PRKCA: variants seen among roughly 807,000 people sequenced by gnomAD.
PRKCA encodes protein kinase C alpha type.
PRKCA carries 27 observed loss-of-function variants against 87.0 expected under a neutral mutation model. That is an observed-to-expected ratio of 0.31 (90% CI 0.23 to 0.43). The LOEUF (loss-of-function observed/expected upper bound fraction) is 0.43. PRKCA is among the 20% of genes least tolerant of loss of function. The pLI, the probability that PRKCA is intolerant of heterozygous loss-of-function variation, is 1.00. For missense variants in PRKCA, 518 were observed against 852.3 expected, an observed-to-expected ratio of 0.61 and a Z score of 4.88; for synonymous variants, 329 against 311.1, an observed-to-expected ratio of 1.06 and a Z score of -0.61.
intron 2 of PRKCA, among the ~76,000 whole-genome samples, chr17:66,423,912 A>G (rs1365134491): frequency 1.3e-5 from 2 of 152,072 alleles, no homozygotes; most frequent in African/African-American, 4.8e-5. Context: ...GCTGCAGTGT[A>G]CTTTAGCTAA....
At chr17:66,629,246 G>T (rs1446572972) in intron 3 of PRKCA, among the ~76,000 whole-genome samples, 1 of 152,114 alleles carries the variant, frequency 6.6e-6, no homozygotes, top group Admixed American at 6.5e-5. Context: ...AGCTGCTGGG[G>T]AATCTTATGA....
intron 14 of PRKCA, among the ~76,000 whole-genome samples, chr17:66,785,984 A>T (rs564173697): frequency 6.6e-6 from 1 of 152,110 alleles, no homozygotes; most frequent in Non-Finnish European, 1.5e-5. Flanking sequence ...GCTCGCCACC[A>T]TGCCCGGCTA....
chr17:66,415,336 A>T (rs1284349059), intron 2 of PRKCA: 2 of 152,186 alleles, frequency 1.3e-5, no homozygotes, highest in African/African-American at 4.8e-5. Flanking sequence ...TCAAATTAGC[A>T]TGAGGTTGAT....
chr17:66,494,822 A>C (rs4791058), intron 2 of PRKCA, among the ~76,000 whole-genome samples: 102,952 of 151,970 alleles, frequency 0.68, 35,152 homozygotes, highest in Middle Eastern at 0.76. Context: ...TTTCAGGGGG[A>C]CATGTGCAGT....
intron 2 of PRKCA, among the ~76,000 whole-genome samples, chr17:66,488,076 C>T (rs1395702544): frequency 1.3e-5 from 2 of 152,188 alleles, no homozygotes; most frequent in East Asian, 1.9e-4. Context: ...AGTAGTTTCT[C>T]CTCTTTGAGC....
chr17:66,417,632 G>A (rs1342949643), intron 2 of PRKCA, among the ~76,000 whole-genome samples: 1 of 152,134 alleles, frequency 6.6e-6, no homozygotes, highest in African/African-American at 2.4e-5. Context: ...CCCCAGGTAA[G>A]GAGGGTCCCT....
intron 2 of PRKCA, among the ~76,000 whole-genome samples, chr17:66,368,356 GTGTA>G (rs1268144730): frequency 2.4e-5 from 2 of 84,066 alleles, no homozygotes; most frequent in South Asian, 4.2e-4. Context: ...GTGTGTGTGT[GTGTA>G]TATGTATATA....
At chr17:66,674,132 G>C (rs1422288914) in intron 5 of PRKCA, among the ~76,000 whole-genome samples, 5 of 152,236 alleles carry the variant, frequency 3.3e-5, no homozygotes, top group Non-Finnish European at 7.3e-5. Context: ...GTGTTGCCCT[G>C]GGGGAGTGAT....
chr17:66,587,887 GTGTGTGTGTATATATA>G (rs1365290821), intron 3 of PRKCA, among the ~76,000 whole-genome samples: 3 of 99,012 alleles, frequency 3.0e-5, no homozygotes, highest in African/African-American at 4.8e-5. Flanking sequence ...GTGTGTGTGT[GTGTGTGTGTATATATA>G]TATATATATA....
intron 2 of PRKCA, among the ~76,000 whole-genome samples, chr17:66,411,136 G>C (rs972801344): frequency 1.3e-5 from 2 of 151,838 alleles, no homozygotes; most frequent in Admixed American, 1.3e-4. Context: ...CAGTGGTGCA[G>C]TCATGGCTCA....
At chr17:66,358,601 GTAA>G (rs1908206028) in intron 2 of PRKCA, among the ~76,000 whole-genome samples, 3 of 150,230 alleles carry the variant, frequency 2.0e-5, no homozygotes, top group Admixed American at 1.3e-4. Context: ...AGCAGCAAAT[GTAA>G]TAATGTGTGG....
chr17:66,558,429 T>TGTGTGGGATCA (rs1567897140), intron 3 of PRKCA, among the ~76,000 whole-genome samples: 3 of 151,980 alleles, frequency 2.0e-5, no homozygotes, highest in Non-Finnish European at 4.4e-5. Context: ...ACTTGGGGGA[T>TGTGTGGGATCA]GTGTGGGATC....
At chr17:66,402,613 G>A (rs1298935781) in intron 2 of PRKCA, among the ~76,000 whole-genome samples, 1 of 152,088 alleles carries the variant, frequency 6.6e-6, no homozygotes, top group African/African-American at 2.4e-5. Context: ...TGTTCCCAGT[G>A]TTATGAATGA....
At chr17:66,724,919 A>C (rs78122664) in intron 8 of PRKCA, among the ~76,000 whole-genome samples, 4,767 of 152,308 alleles carry the variant, frequency 0.031, 92 homozygotes, top group Non-Finnish European at 0.049. Flanking sequence ...GCCAAACAAT[A>C]CATTAAAAAG....
chr17:66,754,452 C>T (rs975539487), intron 13 of PRKCA, among the ~76,000 whole-genome samples: 11 of 152,088 alleles, frequency 7.2e-5, no homozygotes, highest in Non-Finnish European at 1.6e-4. Context: ...ACTCTGGTCA[C>T]CTCACTTGAG....
chr17:66,697,648 A>G (rs1279324172), intron 8 of PRKCA, among the ~76,000 whole-genome samples: 2 of 152,186 alleles, frequency 1.3e-5, no homozygotes, highest in Non-Finnish European at 2.9e-5. Flanking sequence ...GATTGCTGAG[A>G]TAATCAGCAT....
chr17:66,666,361 C>G (rs1325242355), intron 5 of PRKCA, among the ~76,000 whole-genome samples: 1 of 152,180 alleles, frequency 6.6e-6, no homozygotes, highest in East Asian at 1.9e-4. Flanking sequence ...CACTTGAAGT[C>G]AAATGCTTAG....
chr17:66,747,951 G>A (rs988406595), intron 13 of PRKCA, among the ~76,000 whole-genome samples: 4 of 152,248 alleles, frequency 2.6e-5, no homozygotes, highest in African/African-American at 9.6e-5. Context: ...GAGCCCAGAG[G>A]AGAGCTGGGA....
intron 2 of PRKCA, 127 bp downstream of exon 2, chr17:66,306,254 G>A: frequency 1.9e-6 from 2 of 1,036,040 alleles, no homozygotes; most frequent in Non-Finnish European, 2.8e-6. Flanking sequence ...TGAAATATGA[G>A]GGCTGTAAAT....
Sources: gnomAD v4.1 joint callset for allele counts (sites outside exome capture counted in the v4.1 genomes callset) on GRCh38, gnomAD v4.1.1 for gene constraint, MANE v1.5 for transcripts, NCBI Gene and HGNC (gene_info 2026-07-23, HGNC 2026-07-21) for gene names.